TRPC4AP: variants seen among roughly 807,000 people sequenced by gnomAD.
The protein encoded by TRPC4AP is transient receptor potential cation channel subfamily C member 4 associated protein, also known as short transient receptor potential channel 4-associated protein.
A neutral mutation model predicts 99.0 loss-of-function variants in TRPC4AP; 45 were observed. The ratio of observed to expected loss-of-function variants is 0.45; its 90% CI spans 0.36 to 0.58. The LOEUF (loss-of-function observed/expected upper bound fraction) is 0.58, where lower values mean the gene tolerates loss of function less well. Ranked by LOEUF, TRPC4AP falls within the 20% of genes least tolerant of loss-of-function variation. The pLI is 0.00. For synonymous variants in TRPC4AP, 408 were observed against 385.8 expected, an observed-to-expected ratio of 1.06 and a Z score of -0.67; for missense variants, 879 against 985.3, an observed-to-expected ratio of 0.89 and a Z score of 1.44.
intron 1 of TRPC4AP, among the ~76,000 whole-genome samples, chr20:35,084,373 C>T (rs1165681524): frequency 2.0e-5 from 3 of 151,634 alleles, no homozygotes; most frequent in Non-Finnish European, 4.4e-5. Flanking sequence ...CACTTGTACC[C>T]CATTAATACA....
chr20:35,043,081 A>G (rs1217825479), intron 7 of TRPC4AP, among the ~76,000 whole-genome samples: 1 of 152,002 alleles, frequency 6.6e-6, no homozygotes, highest in African/African-American at 2.4e-5. Flanking sequence ...CCTCTTTATC[A>G]TTAATATATC....
At position 35,004,547 on chromosome 20, in the gene TRPC4AP, G is replaced by T. The variant is rs371612752; in HGVS notation, c.1960C>A (p.Arg654Ser). 3 of 1,613,980 alleles carry T rather than the reference G, an allele frequency of 1.9e-6. No individual in the cohort carries two copies. In the South Asian group the frequency reaches 3.3e-5, roughly 18 times the overall value. Residue 654 changes from arginine to serine, a missense_variant, in exon 17 of 19, where the codon CGC becomes AGC. This residue lies in a region of TRPC4AP where 224 missense variants were observed against 264.7 expected (regional missense o/e 0.85). Transcript: ENST00000252015. ...MKVAEVLSECRLLAYISQVPT... is the reference protein window; with the variant it reads ...MKVAEVLSECSLLAYISQVPT... ...ACCTGGGATATGTAGGCGAGCAGGCGGCATTCAGACAGTACCTCGGCAACT... is the reference window on the plus strand; with the variant it reads ...ACCTGGGATATGTAGGCGAGCAGGCTGCATTCAGACAGTACCTCGGCAACT...
At chr20:35,055,332 T>A (rs1473691189) in intron 4 of TRPC4AP, among the ~76,000 whole-genome samples, 1 of 152,214 alleles carries the variant, frequency 6.6e-6, no homozygotes, top group Non-Finnish European at 1.5e-5. Flanking sequence ...TCCCTTAATG[T>A]CTTGCTTAGG....
At chr20:35,087,911 A>G (rs886173548) in intron 1 of TRPC4AP, among the ~76,000 whole-genome samples, 4 of 152,168 alleles carry the variant, frequency 2.6e-5, no homozygotes, top group African/African-American at 9.7e-5. Flanking sequence ...CCATTTAGGG[A>G]GATGGAGAAG....
At chr20:35,024,835 A>AC (rs202104018) in intron 8 of TRPC4AP, among the ~76,000 whole-genome samples, 25,826 of 111,974 alleles carry the variant, frequency 0.23, 4,205 homozygotes, top group Middle Eastern at 0.39. Flanking sequence ...CAAAAAAAAA[A>AC]AAAAAAAAAA....
At chr20:35,068,970 CACACACACAA>C (rs1169510130) in intron 3 of TRPC4AP, among the ~76,000 whole-genome samples, 4 of 59,860 alleles carry the variant, frequency 6.7e-5, no homozygotes, top group East Asian at 4.8e-4. Flanking sequence ...CACACACACA[CACACACACAA>C]AAAAAACAAA....
chr20:35,017,877 T>A (rs958492953), intron 9 of TRPC4AP, among the ~76,000 whole-genome samples: 1 of 152,228 alleles, frequency 6.6e-6, no homozygotes, highest in African/African-American at 2.4e-5. Flanking sequence ...TTAAGACTCA[T>A]AAGCAGCCCA....
intron 1 of TRPC4AP, among the ~76,000 whole-genome samples, chr20:35,087,518 G>A (rs1195184171): frequency 6.6e-6 from 1 of 152,052 alleles, no homozygotes; most frequent in Admixed American, 6.6e-5. Context: ...AGGGATGGCG[G>A]GTCATGACCT....
chr20:35,067,354 A>G (rs1187888264), intron 3 of TRPC4AP, among the ~76,000 whole-genome samples: 3 of 152,194 alleles, frequency 2.0e-5, no homozygotes, highest in African/African-American at 7.2e-5. Context: ...CACTTTCAAA[A>G]TGACAGATAA....
chr20:35,024,219 C>A lies in TRPC4AP; in HGVS notation c.1052-2863G>T, dbSNP rs4911458. On this transcript the variant is annotated intron_variant, in intron 8 of 18. Coordinates refer to ENST00000252015, the MANE Select transcript of TRPC4AP (RefSeq NM_015638.3). ...AACCATGGTATCGTGATTTTTAGGA[C>A]ATTCATAGAGTTGTGCAGCCATTAC... Among the ~76,000 whole-genome samples the A allele has an allele frequency of 4.0e-3, 604 of 151,570 alleles. 3 individuals are homozygous for A. Among genetic ancestry groups the A allele is most frequent in the Non-Finnish European group, 5.7e-3 (388 of 67,974 alleles).
chr20:35,086,573 G>A (rs62213723), intron 1 of TRPC4AP, among the ~76,000 whole-genome samples: 9,816 of 41,220 alleles, frequency 0.24, 1,856 homozygotes, highest in Middle Eastern at 0.42. Flanking sequence ...GTGTGTGTGT[G>A]TGTATATATA....
chr20:35,025,621 T>C (rs934496290), intron 8 of TRPC4AP, among the ~76,000 whole-genome samples: 13 of 152,208 alleles, frequency 8.5e-5, no homozygotes, highest in Admixed American at 7.9e-4. Flanking sequence ...ATTATTGTTA[T>C]GAGAGTTCTT....
At chr20:35,026,669 CATT>C (rs2083038730) in intron 8 of TRPC4AP, among the ~76,000 whole-genome samples, 1 of 152,158 alleles carries the variant, frequency 6.6e-6, no homozygotes, top group Non-Finnish European at 1.5e-5. Flanking sequence ...ATGGGACTAT[CATT>C]ATCTTAACAA....
Position 35,003,039 on chromosome 20 carries a change from G to A in TRPC4AP, c.*107C>T, listed in dbSNP as rs1168153022. Reference sequence around the variant, plus strand: ...CACCAAGCCTGTACCCAAAGACCTGGGGCAGGCAGAGAGCAGCAGGGAGGA... The same window carrying A: ...CACCAAGCCTGTACCCAAAGACCTGAGGCAGGCAGAGAGCAGCAGGGAGGA... On this transcript the variant is annotated 3_prime_UTR_variant, in exon 19 of 19. Coordinates refer to ENST00000252015, the MANE Select transcript of TRPC4AP (RefSeq NM_015638.3). The A allele has an allele frequency of 1.1e-5, 17 of 1,492,094 alleles. No homozygotes were observed. The highest frequency in any genetic ancestry group is 1.2e-5 in the Non-Finnish European group (13 of 1,100,926). The allele number at this position is 1,492,094 out of a possible 1,614,324, so 92.4% of individuals were successfully genotyped here.
chr20:35,032,441 T>C, intron 8 of TRPC4AP, among the ~76,000 whole-genome samples: 1 of 151,786 alleles, frequency 6.6e-6, no homozygotes, highest in Non-Finnish European at 1.5e-5. Flanking sequence ...CCTTTACTTC[T>C]TCAAGCATAG....
intron 7 of TRPC4AP, among the ~76,000 whole-genome samples, chr20:35,043,241 T>A (rs1300480473): frequency 6.6e-6 from 1 of 151,780 alleles, no homozygotes; most frequent in Non-Finnish European, 1.5e-5. Context: ...AATGTTGCAA[T>A]GAATAATTTT....
intron 8 of TRPC4AP, among the ~76,000 whole-genome samples, chr20:35,025,243 A>T (rs889461973): frequency 3.3e-5 from 5 of 152,290 alleles, no homozygotes; most frequent in South Asian, 2.1e-4. Context: ...GTGCAGTGGC[A>T]GGATCACAGC....
chr20:35,040,685 C>A (rs907410839), intron 7 of TRPC4AP, among the ~76,000 whole-genome samples: 1 of 152,148 alleles, frequency 6.6e-6, no homozygotes, highest in African/African-American at 2.4e-5. Context: ...CTCACTGCAA[C>A]CTCTGCCTCC....
rs143911959 is a variant in TRPC4AP, at chr20:35,042,753, C to T, written c.865+1752G>A. Reference sequence around the variant, plus strand: ...GTTTCTCCAAAATCTGTGCAGGCAACAACATTTTAGATAGAACACAGTTCT... The same window carrying T: ...GTTTCTCCAAAATCTGTGCAGGCAATAACATTTTAGATAGAACACAGTTCT... On this transcript the variant is annotated intron_variant, in intron 7 of 18. Coordinates refer to ENST00000252015, the MANE Select transcript of TRPC4AP (RefSeq NM_015638.3). 9.4e-3 allele frequency among the ~76,000 whole-genome samples: 1,433 copies of T among 152,262 alleles called. 8 individuals carry two copies. Among genetic ancestry groups the T allele is most frequent in the Non-Finnish European group, 0.016 (1,057 of 68,010 alleles).
Sources: gnomAD v4.1 joint callset for allele counts (sites outside exome capture counted in the v4.1 genomes callset) on GRCh38, gnomAD v4.1.1 for gene constraint, gnomAD v4.1.1 regional missense constraint, MANE v1.5 for transcripts, NCBI Gene and HGNC (gene_info 2026-07-23, HGNC 2026-07-21) for gene names.